The following TEKT1 variants were observed in gnomAD, a reference collection of about 807,000 sequenced individuals.
The protein encoded by TEKT1 is tektin 1, also known as tektin-1.
In TEKT1, 32 loss-of-function variants were observed where a neutral mutation model predicts 34.8. The ratio of observed to expected loss-of-function variants is 0.92; its 90% CI spans 0.69 to 1.23. The LOEUF (loss-of-function observed/expected upper bound fraction) is 1.23. TEKT1 is among the 50% of genes most tolerant of loss of function. The pLI is 0.00. For synonymous variants in TEKT1, 207 were observed against 199.8 expected (o/e 1.04, Z -0.30); for missense variants, 492 against 518.5 (o/e 0.95, Z 0.50).
intron 2 of TEKT1, among the ~76,000 whole-genome samples, chr17:6,822,520 C>T (rs1977107422): frequency 6.6e-6 from 1 of 152,144 alleles, no homozygotes. Flanking sequence ...CTTTTCTTTG[C>T]TGTTATTTTG....
rs1278828902 is a variant in TEKT1 at position 6,815,946 on chromosome 17, T to C, written c.373A>G (p.Ile125Val). ...TCCACTGTGTCGTGCACCAGGTCAA[T>C]GCCAATGCGCTTCTCCCTGGCAGGG... ...CLAYREKRIG[I>V]DLVHDTVEHE... Residue 125 changes from isoleucine (I) to valine (V), a missense_variant, in exon 4 of 8, where the codon ATT (isoleucine) becomes GTT (valine). Physicochemically the swap from Ile to Val is conservative, Grantham distance 29. Coordinates refer to ENST00000338694, the MANE Select transcript of TEKT1 (RefSeq NM_053285.2). The C allele has an allele frequency of 1.9e-6, 3 of 1,613,936 alleles. No individual in the cohort carries two copies. The highest frequency in any genetic ancestry group is 1.1e-5 in the South Asian group (1 of 91,078).
chr17:6,823,364 G>C (rs1904318035), intron 2 of TEKT1, among the ~76,000 whole-genome samples: 1 of 152,118 alleles, frequency 6.6e-6, no homozygotes, highest in African/African-American at 2.4e-5. Context: ...GTTACCAGCT[G>C]ACCTTTGCTT....
chr17:6,815,453 C>T (rs887127713), intron 4 of TEKT1, 147 bp from the exon 5 acceptor site: 25 of 922,230 alleles, frequency 2.7e-5, no homozygotes, highest in South Asian at 2.4e-4. Context: ...AACACTCATG[C>T]GTATACCATT....
chr17:6,827,343 C>A (rs1254369002), intron 2 of TEKT1, among the ~76,000 whole-genome samples: 1 of 149,984 alleles, frequency 6.7e-6, no homozygotes, highest in Non-Finnish European at 1.5e-5. Context: ...CTCACTGCAA[C>A]CTCCGCCTCC....
At chr17:6,804,390 A>G (rs997319896) in intron 6 of TEKT1, among the ~76,000 whole-genome samples, 8 of 151,738 alleles carry the variant, frequency 5.3e-5, no homozygotes, top group African/African-American at 1.4e-4. Context: ...TAGATATACA[A>G]TCATGTCATC....
At chr17:6,803,856 A>G (rs1156908163) in intron 6 of TEKT1, among the ~76,000 whole-genome samples, 1 of 152,082 alleles carries the variant, frequency 6.6e-6, no homozygotes, top group Non-Finnish European at 1.5e-5. Flanking sequence ...TGTTTTGGTT[A>G]CTGGAGCCTT....
At chr17:6,830,044 C>G in intron 2 of TEKT1, 143 bp downstream of exon 2, 1 of 845,870 alleles carries the variant, frequency 1.2e-6, no homozygotes, top group Non-Finnish European at 1.8e-6. Flanking sequence ...GGGCAGTGAA[C>G]TTAAACATAG....
At chr17:6,807,588 T>C (rs914400927) in intron 6 of TEKT1, among the ~76,000 whole-genome samples, 13 of 152,160 alleles carry the variant, frequency 8.5e-5, no homozygotes, top group Non-Finnish European at 1.2e-4. Flanking sequence ...TTTTTCCCCA[T>C]CTTTGTGGTT....
intron 2 of TEKT1, among the ~76,000 whole-genome samples, chr17:6,826,134 T>C (rs1904389293): frequency 2.0e-5 from 3 of 152,210 alleles, no homozygotes; most frequent in African/African-American, 4.8e-5. Context: ...TTCTTTTTAA[T>C]TGTAGCCATT....
intron 3 of TEKT1, among the ~76,000 whole-genome samples, chr17:6,818,109 C>T (rs1452615304): frequency 6.6e-6 from 1 of 152,132 alleles, no homozygotes; most frequent in Non-Finnish European, 1.5e-5. Flanking sequence ...TAAGCACATC[C>T]CACTACTGGG....
chr17:6,827,324 T>A (rs553614878), intron 2 of TEKT1, among the ~76,000 whole-genome samples: 1 of 148,120 alleles, frequency 6.8e-6, no homozygotes, highest in Non-Finnish European at 1.5e-5. Flanking sequence ...TGCAGTGGCG[T>A]GATCTCGGCT....
intron 3 of TEKT1, 79 bp downstream of exon 3, chr17:6,819,114 A>T: frequency 6.6e-7 from 1 of 1,514,932 alleles, no homozygotes; most frequent in Non-Finnish European, 9.0e-7. Flanking sequence ...CTAACTCACC[A>T]TCGCACACAG....
chr17:6,828,339 G>A (rs1410643035), intron 2 of TEKT1, among the ~76,000 whole-genome samples: 1 of 152,178 alleles, frequency 6.6e-6, no homozygotes, highest in East Asian at 1.9e-4. Context: ...TATTAGGAGA[G>A]CCTAACATCT....
chr17:6,799,931 C>G lies in TEKT1; in HGVS notation c.*96G>C. 1 of 1,265,484 alleles carries G rather than the reference C, an allele frequency of 7.9e-7. No homozygotes were observed. The highest frequency in any genetic ancestry group is 1.1e-6 in the Non-Finnish European group (1 of 933,344). 78.4% of individuals were successfully genotyped at this position (1,265,484 alleles called of 1,614,324 possible). A position where few individuals can be genotyped will look rare whatever the true frequency, so the allele number is the denominator to read the frequency against. ...ATGCCAGCCAAGAGGTTGCAGCAGGCTGGCTAGAGGCCCCGCCAGCCTGAA... is the reference window on the plus strand; with the variant it reads ...ATGCCAGCCAAGAGGTTGCAGCAGGGTGGCTAGAGGCCCCGCCAGCCTGAA... On this transcript the variant is annotated 3_prime_UTR_variant, in exon 8 of 8. Coordinates refer to ENST00000338694, the MANE Select transcript of TEKT1 (RefSeq NM_053285.2).
chr17:6,817,883 G>A (rs765623692), intron 3 of TEKT1, among the ~76,000 whole-genome samples: 1 of 152,114 alleles, frequency 6.6e-6, no homozygotes, highest in African/African-American at 2.4e-5. Context: ...CAGCCTCTAC[G>A]TTATCATTAT....
chr17:6,803,289 C>T (rs1976801263), intron 6 of TEKT1, among the ~76,000 whole-genome samples: 1 of 152,142 alleles, frequency 6.6e-6, no homozygotes, highest in African/African-American at 2.4e-5. Context: ...ATCCTTTGCC[C>T]ACTTTTTAAT....
At chr17:6,819,399 C>T (rs1977056405) in intron 2 of TEKT1, 41 bp from the exon 3 acceptor site, 1 of 1,550,718 alleles carries the variant, frequency 6.4e-7, no homozygotes, top group Non-Finnish European at 8.7e-7. Flanking sequence ...TAATCTATCC[C>T]AAGGTAGCCA....
chr17:6,815,894 A>G lies in TEKT1; in HGVS notation c.425T>C (p.Ile142Thr). The change falls in exon 4 of 8, where the codon ATC (isoleucine) becomes ACC (threonine). Residue 142 changes from isoleucine (I) to threonine (T), a missense_variant. Physicochemically the swap from Ile to Thr is moderately conservative, Grantham distance 89. Transcript: ENST00000338694. ...CAGCAGAGCCATAATGCCCTGGATG[A>G]TCTCAGCCTCCTTTATCAGCTCATG... Reference protein sequence around the residue: ...VEHELIKEAEIIQGIMALLTR... With the variant: ...VEHELIKEAETIQGIMALLTR... The G allele has an allele frequency of 1.9e-6, 3 of 1,614,160 alleles. No homozygotes were observed. The highest frequency in any genetic ancestry group is 2.5e-6 in the Non-Finnish European group (3 of 1,180,028).
chr17:6,816,286 G>C (rs984928186), intron 3 of TEKT1, among the ~76,000 whole-genome samples: 12 of 151,904 alleles, frequency 7.9e-5, no homozygotes, highest in African/African-American at 2.7e-4. Context: ...CAACGTGCAG[G>C]TTTGATACAT....
Sources: allele counts gnomAD v4.1 joint callset (sites outside exome capture counted in the v4.1 genomes callset), GRCh38; gene constraint gnomAD v4.1.1; transcripts MANE v1.5; gene names NCBI Gene and HGNC (gene_info 2026-07-23, HGNC 2026-07-21).